Variants in LRBA observed in about 807,000 individuals in gnomAD.
The protein encoded by LRBA is LPS responsive beige-like anchor protein, also known as lipopolysaccharide-responsive and beige-like anchor protein.
In LRBA, 176 loss-of-function variants were observed where a neutral mutation model predicts 330.0. The observed-to-expected ratio is 0.53, with a 90% CI of 0.47 to 0.60. The LOEUF is 0.60. Among genes scored for constraint, LRBA ranks in the 20% least tolerant of loss-of-function variants. The pLI, the probability that LRBA is intolerant of heterozygous loss-of-function variation, is 0.00. For synonymous variants in LRBA, 1,230 were observed against 1,193.0 expected (o/e 1.03, Z -0.64); for missense variants, 3,259 against 3,444.8 (o/e 0.95, Z 1.35).
chr4:150,570,639 G>C (rs1322779321), intron 40 of LRBA, among the ~76,000 whole-genome samples: 2 of 151,938 alleles, frequency 1.3e-5, no homozygotes, highest in Non-Finnish European at 2.9e-5. Context: ...TAAAGCATTT[G>C]TTCAGAATAC....
chr4:150,509,263 G>T (rs1008809760), intron 40 of LRBA, among the ~76,000 whole-genome samples: 1 of 151,178 alleles, frequency 6.6e-6, no homozygotes, highest in Admixed American at 6.6e-5. Flanking sequence ...TCTGGAAAAG[G>T]CCCCAAATTT....
chr4:150,475,282 T>G (rs1227970893), intron 42 of LRBA, among the ~76,000 whole-genome samples: 1 of 152,200 alleles, frequency 6.6e-6, no homozygotes, highest in African/African-American at 2.4e-5. Context: ...GGTATTGAGG[T>G]GACTGACCTT....
chr4:150,670,786 T>A (rs1272258520), intron 37 of LRBA, among the ~76,000 whole-genome samples: 2 of 152,202 alleles, frequency 1.3e-5, no homozygotes, highest in African/African-American at 2.4e-5. Context: ...ACAGGATTCA[T>A]TCTAGAGTTT....
chr4:150,401,959 G>A (rs1745525444), intron 47 of LRBA, among the ~76,000 whole-genome samples: 1 of 151,798 alleles, frequency 6.6e-6, no homozygotes. Flanking sequence ...TAAAAAAGAG[G>A]GAGGGAAAAA....
chr4:150,339,785 T>C (rs1241024415), intron 48 of LRBA, among the ~76,000 whole-genome samples: 2 of 151,978 alleles, frequency 1.3e-5, no homozygotes, highest in African/African-American at 4.8e-5. Context: ...TTCTACTGTG[T>C]AAATTTACCA....
At chr4:150,506,724 C>A (rs1299544101) in intron 40 of LRBA, among the ~76,000 whole-genome samples, 1 of 152,142 alleles carries the variant, frequency 6.6e-6, no homozygotes, top group Non-Finnish European at 1.5e-5. Flanking sequence ...GAAGTTCTGG[C>A]CAGGGCAATC....
At chr4:150,496,847 G>A (rs1759648391) in intron 40 of LRBA, among the ~76,000 whole-genome samples, 1 of 151,846 alleles carries the variant, frequency 6.6e-6, no homozygotes, top group Non-Finnish European at 1.5e-5. Context: ...TTTAACATCA[G>A]GAAAAATGTT....
At chr4:150,729,099 G>A (rs372555104) in intron 36 of LRBA, among the ~76,000 whole-genome samples, 1 of 152,116 alleles carries the variant, frequency 6.6e-6, no homozygotes, top group Non-Finnish European at 1.5e-5. Context: ...GAGGTGGACT[G>A]CTTGAGCCCA....
intron 53 of LRBA, among the ~76,000 whole-genome samples, chr4:150,290,842 A>T (rs1172101741): frequency 5.9e-5 from 9 of 152,298 alleles, no homozygotes; most frequent in African/African-American, 1.7e-4. Context: ...TCAGTACGTA[A>T]TACTAGATAT....
intron 4 of LRBA, among the ~76,000 whole-genome samples, chr4:150,926,829 T>G (rs1384480879): frequency 1.3e-5 from 2 of 151,782 alleles, no homozygotes; most frequent in African/African-American, 2.4e-5. Context: ...TCCCAGCACT[T>G]TGGGAGGCCA....
At chr4:150,322,051 T>C (rs1417029514) in intron 49 of LRBA, among the ~76,000 whole-genome samples, 5 of 152,200 alleles carry the variant, frequency 3.3e-5, no homozygotes, top group Non-Finnish European at 4.4e-5. Flanking sequence ...TCATAAACAC[T>C]GCCTATTGTA....
intron 39 of LRBA, 80 bp downstream of exon 39, chr4:150,590,633 G>A (rs1772699095): frequency 4.7e-6 from 6 of 1,283,238 alleles, no homozygotes; most frequent in Non-Finnish European, 6.6e-6. Context: ...TAGTCCTAGT[G>A]GTCACAGCTG....
chr4:150,511,615 C>T (rs11099765), intron 40 of LRBA, among the ~76,000 whole-genome samples: 69,498 of 152,026 alleles, frequency 0.46, 16,182 homozygotes, highest in Non-Finnish European at 0.51. Flanking sequence ...ACAGTAATAG[C>T]GGTAGCAGCA....
intron 33 of LRBA, among the ~76,000 whole-genome samples, chr4:150,802,246 C>A (rs1385492062): frequency 3.2e-4 from 46 of 145,996 alleles, no homozygotes; most frequent in African/African-American, 9.5e-4. Context: ...AACCACAGTG[C>A]AAAATTTTGG....
intron 2 of LRBA, among the ~76,000 whole-genome samples, chr4:150,978,120 A>C (rs772807225): frequency 2.4e-4 from 36 of 152,368 alleles, no homozygotes; most frequent in Middle Eastern, 3.4e-3. Context: ...GACCCAGCAC[A>C]GTCCCAATGG....
intron 30 of LRBA, among the ~76,000 whole-genome samples, chr4:150,820,000 A>G (rs1009379335): frequency 1.3e-5 from 2 of 151,948 alleles, no homozygotes; most frequent in Admixed American, 6.6e-5. Context: ...CACAACTCCA[A>G]CCCTTCGTAT....
At chr4:150,508,166 T>C (rs1259776401) in intron 40 of LRBA, among the ~76,000 whole-genome samples, 1 of 128,402 alleles carries the variant, frequency 7.8e-6, no homozygotes, top group Non-Finnish European at 1.6e-5. Flanking sequence ...ACATGGCACA[T>C]GTATACATAT....
At chr4:150,793,502 A>C in intron 34 of LRBA, among the ~76,000 whole-genome samples, 1 of 152,210 alleles carries the variant, frequency 6.6e-6, no homozygotes, top group Non-Finnish European at 1.5e-5. Flanking sequence ...AAAGTCCAAA[A>C]TATGGTGACT....
At chr4:150,305,736 ACTTTATT>A (rs1477869640) in intron 52 of LRBA, among the ~76,000 whole-genome samples, 1 of 152,162 alleles carries the variant, frequency 6.6e-6, no homozygotes, top group African/African-American at 2.4e-5. Flanking sequence ...ACACAAATTA[ACTTTATT>A]CTTTACAATT....
Sources: allele counts gnomAD v4.1 joint callset (sites outside exome capture counted in the v4.1 genomes callset), GRCh38; gene constraint gnomAD v4.1.1; transcripts MANE v1.5; gene names NCBI Gene and HGNC (gene_info 2026-07-23, HGNC 2026-07-21).